Variants in RELN observed in about 807,000 individuals in gnomAD.
RELN encodes the protein reelin.
In RELN, 108 loss-of-function variants were observed where a neutral mutation model predicts 427.6. That is an observed-to-expected ratio of 0.25 (90% CI 0.22 to 0.30). RELN has a LOEUF of 0.30. RELN is among the 10% of genes least tolerant of loss of function. The pLI is 1.00. For synonymous variants in RELN, 1,524 were observed against 1,513.4 expected, an observed-to-expected ratio of 1.01 and a Z score of -0.16; for missense variants, 3,715 against 4,302.8, an observed-to-expected ratio of 0.86 and a Z score of 3.82.
intron 6 of RELN, among the ~76,000 whole-genome samples, chr7:103,747,701 A>G (rs1003733237): frequency 6.6e-6 from 1 of 150,838 alleles, no homozygotes; most frequent in Non-Finnish European, 1.5e-5. Context: ...ACTGTGGGCA[A>G]TAAGGGATAA....
Position 103,486,385 on chromosome 7 carries a change from A to G in RELN, c.9795T>C (p.Leu3265=). The G allele has an allele frequency of 1.2e-6, 2 of 1,614,154 alleles. No homozygotes were observed. The highest frequency in any genetic ancestry group is 1.7e-6 in the Non-Finnish European group (2 of 1,180,002). Residue 3265 remains leucine, a synonymous_variant, in exon 61 of 65, where the codon CTT becomes CTC. Transcript: ENST00000428762. ...CAAAATTATCTTTAATATAACTGGG[A>G]AGGTCGTGACTGAAAACAGAGCAGT... The part of the protein sequence containing the change: ...GDDCSVFSHD[L]PSYIKDNFES...
Position 103,500,798 on chromosome 7 carries a change from T to A in RELN, c.8614A>T (p.Ile2872Phe). The A allele has an allele frequency of 1.9e-6, 3 of 1,614,156 alleles. No homozygotes were observed. The highest frequency in any genetic ancestry group is 2.5e-6 in the Non-Finnish European group (3 of 1,180,014). Residue 2872 changes from isoleucine to phenylalanine, a missense_variant, in exon 53 of 65, where the codon ATC becomes TTC. Physicochemically the swap from Ile to Phe is conservative, Grantham distance 21. Around this residue, in one of 4 missense-constraint regions of RELN, gnomAD observed 1,310 missense variants for 1,643.0 expected, o/e 0.80. Coordinates refer to ENST00000428762, the MANE Select transcript of RELN (RefSeq NM_005045.4). ...GGCCCTGAGTATCCCGGATCACAGA[T>A]GCACTGTTCCCTTAAGCAATCTCCA... Reference protein sequence around the residue: ...GHGDCLREQCICDPGYSGPNC... With the variant: ...GHGDCLREQCFCDPGYSGPNC...
At chr7:103,742,528 G>C (rs2116021484) in intron 6 of RELN, among the ~76,000 whole-genome samples, 1 of 152,282 alleles carries the variant, frequency 6.6e-6, no homozygotes, top group East Asian at 1.9e-4. Context: ...AAAAAAATCA[G>C]ACGAATGGAT....
At chr7:103,754,979 C>G (rs546773127) in intron 4 of RELN, among the ~76,000 whole-genome samples, 6 of 152,226 alleles carry the variant, frequency 3.9e-5, no homozygotes, top group African/African-American at 9.6e-5. Context: ...GAACATCCTG[C>G]TATTAAGGCA....
At chr7:103,605,648 G>C (rs1026854084) in intron 22 of RELN, among the ~76,000 whole-genome samples, 5 of 152,202 alleles carry the variant, frequency 3.3e-5, no homozygotes, top group African/African-American at 9.7e-5. Context: ...CAAAATTACT[G>C]TGTATGCTCA....
chr7:103,590,711 G>A (rs938980071), intron 27 of RELN, among the ~76,000 whole-genome samples: 2 of 152,100 alleles, frequency 1.3e-5, no homozygotes, highest in African/African-American at 4.8e-5. Context: ...GTACTTGTAT[G>A]GAGGACTCAT....
chr7:103,572,680 G>A (rs1584307335), intron 30 of RELN, among the ~76,000 whole-genome samples: 1 of 151,808 alleles, frequency 6.6e-6, no homozygotes, highest in Non-Finnish European at 1.5e-5. Flanking sequence ...GGGACTACAG[G>A]TGCCCGCCAC....
At chr7:103,805,215 G>C (rs57189541) in intron 3 of RELN, among the ~76,000 whole-genome samples, 1 of 151,814 alleles carries the variant, frequency 6.6e-6, no homozygotes, top group African/African-American at 2.4e-5. Flanking sequence ...AATGATAGCT[G>C]CTTGCCTATC....
At chr7:103,875,612 C>T (rs1423911900) in intron 2 of RELN, among the ~76,000 whole-genome samples, 1 of 152,074 alleles carries the variant, frequency 6.6e-6, no homozygotes, top group Admixed American at 6.6e-5. Context: ...ACTTAAAATG[C>T]TGTTTTAAAA....
At chr7:103,478,256 A>G in intron 64 of RELN, 133 bp downstream of exon 64, 1 of 617,614 alleles carries the variant, frequency 1.6e-6, no homozygotes, top group Non-Finnish European at 2.9e-6. Context: ...TACCAGTATC[A>G]TTTATTACTG....
chr7:103,538,650 C>A (rs1433520650), intron 45 of RELN, among the ~76,000 whole-genome samples: 3 of 152,096 alleles, frequency 2.0e-5, no homozygotes, highest in African/African-American at 7.2e-5. Flanking sequence ...GAATTTAAAT[C>A]TGTGAATATA....
intron 8 of RELN, among the ~76,000 whole-genome samples, chr7:103,705,473 T>A (rs989014436): frequency 6.6e-6 from 1 of 152,200 alleles, no homozygotes; most frequent in Non-Finnish European, 1.5e-5. Context: ...TGATAGTAGG[T>A]GTATCTTATA....
chr7:103,473,892 T>G (rs939397403), intron 64 of RELN, among the ~76,000 whole-genome samples: 2 of 152,192 alleles, frequency 1.3e-5, no homozygotes, highest in African/African-American at 2.4e-5. Flanking sequence ...AGTTTCCTCA[T>G]GGTCCCAAAG....
In RELN at chr7:103,574,280, C is replaced by T; in HGVS notation, c.4323G>A (p.Val1441=). 1 of 1,614,118 alleles carries T rather than the reference C, an allele frequency of 6.2e-7. No homozygotes were observed. Among genetic ancestry groups the T allele is most frequent in the Non-Finnish European group, 8.5e-7 (1 of 1,179,984 alleles). ...LGYTAAQGTC[V]SNVPNHNEMF... ...TCTCATTGTGATTGGGGACATTTGA[C>T]ACACAGGTTCCTTGTGCAGCTTCAG... Residue 1441 remains valine, a synonymous_variant, in exon 30 of 65, where the codon GTG becomes GTA. Coordinates refer to ENST00000428762, the MANE Select transcript of RELN (RefSeq NM_005045.4).
At chr7:103,826,463 A>G (rs1563035877) in intron 3 of RELN, among the ~76,000 whole-genome samples, 1 of 152,014 alleles carries the variant, frequency 6.6e-6, no homozygotes, top group African/African-American at 2.4e-5. Flanking sequence ...CACATTTTTA[A>G]TAAGGCCTTA....
intron 16 of RELN, 94 bp downstream of exon 16, chr7:103,650,180 G>T: frequency 2.4e-6 from 2 of 820,246 alleles, no homozygotes; most frequent in South Asian, 2.7e-5. Flanking sequence ...GCAAGACCAT[G>T]ACTTAGAAAT....
At chr7:103,970,867 T>C (rs184845224) in intron 1 of RELN, among the ~76,000 whole-genome samples, 2 of 152,264 alleles carry the variant, frequency 1.3e-5, no homozygotes, top group Admixed American at 6.5e-5. Flanking sequence ...TTTTAAAAAG[T>C]AGTCAAGGCT....
At chr7:103,601,812 G>A (rs1831675709) in intron 24 of RELN, among the ~76,000 whole-genome samples, 1 of 152,142 alleles carries the variant, frequency 6.6e-6, no homozygotes. Context: ...CACAGGTTGA[G>A]GTATTCCAAG....
At chr7:103,610,562 A>G (rs1226306992) in intron 22 of RELN, 133 bp downstream of exon 22, 2 of 670,318 alleles carry the variant, frequency 3.0e-6, no homozygotes, top group African/African-American at 3.6e-5. Flanking sequence ...ATAAAATAAA[A>G]AGAATAAACA....
Sources: gnomAD v4.1 joint callset for allele counts (sites outside exome capture counted in the v4.1 genomes callset) on GRCh38, gnomAD v4.1.1 for gene constraint, gnomAD v4.1.1 regional missense constraint, MANE v1.5 for transcripts, NCBI Gene and HGNC (gene_info 2026-07-23, HGNC 2026-07-21) for gene names.